CDH13: variants seen among roughly 807,000 people sequenced by gnomAD.
The protein encoded by CDH13 is cadherin 13.
In CDH13, 24 loss-of-function variants were observed where a neutral mutation model predicts 63.8. That is an observed-to-expected ratio of 0.38 (90% CI 0.27 to 0.53). CDH13 has a LOEUF of 0.53. CDH13 is among the 20% of genes least tolerant of loss of function. The probability of loss-of-function intolerance (pLI) is 0.85; values close to 1 mark genes in which losing one functional copy is unlikely to be tolerated. For synonymous variants in CDH13, 503 were observed against 355.3 expected (o/e 1.42, Z -4.67); for missense variants, 1,049 against 903.1 (o/e 1.16, Z -2.07).
intron 7 of CDH13, among the ~76,000 whole-genome samples, chr16:83,555,755 G>A (rs1242866880): frequency 6.6e-6 from 1 of 152,200 alleles, no homozygotes; most frequent in African/African-American, 2.4e-5. Flanking sequence ...GCAGAATATA[G>A]CAGTTTGGCT....
chr16:82,874,166 A>G lies in CDH13; in HGVS notation c.157+15693A>G, dbSNP rs182771547. Among the ~76,000 whole-genome samples, 39 of 152,296 alleles carry G rather than the reference A, an allele frequency of 2.6e-4. 2 individuals carry two copies. Among genetic ancestry groups the G allele is most frequent in the African/African-American group, 8.7e-4 (36 of 41,570 alleles). On this transcript the variant is annotated intron_variant, in intron 2 of 13. Coordinates refer to ENST00000567109, the MANE Select transcript of CDH13 (RefSeq NM_001257.5). ...TGAATGTTTACCCTCAGTAGGATAA[A>G]TAAGGACCACAAATAACATCATGTC... is the stretch of plus-strand genomic sequence containing the variant.
In CDH13 at chr16:83,598,733, T is replaced by TAAC. The variant is rs1206329056; in HGVS notation, c.961-3706_961-3704dup. ...TGACAACTCATCCTTGAATGATGAT[T>TAAC]AACAACAACAACAACAAACTCCATC... On this transcript the variant is annotated intron_variant, in intron 7 of 13. Transcript: ENST00000567109. Among the ~76,000 whole-genome samples, 9 of 152,190 alleles carry TAAC rather than the reference T, an allele frequency of 5.9e-5. No individual in the cohort carries two copies. The South Asian group carries it at 1.0e-3, about 18-fold the overall frequency.
At chr16:83,113,196 C>T (rs183317303) in intron 3 of CDH13, among the ~76,000 whole-genome samples, 1 of 152,194 alleles carries the variant, frequency 6.6e-6, no homozygotes, top group Non-Finnish European at 1.5e-5. Context: ...GGTTACTTCA[C>T]AAAGCATTGA....
intron 11 of CDH13, among the ~76,000 whole-genome samples, chr16:83,761,647 G>T (rs892750804): frequency 6.6e-6 from 1 of 152,210 alleles, no homozygotes; most frequent in Non-Finnish European, 1.5e-5. Flanking sequence ...GAGAGTAGGT[G>T]ACAGTCTGTT....
At chr16:83,027,112 C>G (rs11639659) in intron 2 of CDH13, among the ~76,000 whole-genome samples, 4,773 of 144,382 alleles carry the variant, frequency 0.033, 162 homozygotes, top group Non-Finnish European at 0.056. Context: ...ACCCCCCCCC[C>G]CCACCGCCCC....
intron 10 of CDH13, among the ~76,000 whole-genome samples, chr16:83,717,245 G>A (rs114575659): frequency 0.01 from 1,564 of 152,056 alleles, 33 homozygotes; most frequent in African/African-American, 0.036. Context: ...GGATGACAGA[G>A]CGAGATACTA....
intron 5 of CDH13, among the ~76,000 whole-genome samples, chr16:83,252,436 TG>T (rs879644352): frequency 6.2e-4 from 95 of 152,250 alleles, no homozygotes; most frequent in African/African-American, 2.2e-3. Flanking sequence ...TAACCAAAGA[TG>T]GTGACCTTAA....
chr16:82,695,576 C>A (rs2150983130), intron 1 of CDH13, among the ~76,000 whole-genome samples: 1 of 152,272 alleles, frequency 6.6e-6, no homozygotes, highest in South Asian at 2.1e-4. Flanking sequence ...AGAACCATCT[C>A]ATGGCATTGT....
At chr16:83,136,098 A>C (rs1459744528) in intron 4 of CDH13, among the ~76,000 whole-genome samples, 1 of 151,934 alleles carries the variant, frequency 6.6e-6, no homozygotes, top group Non-Finnish European at 1.5e-5. Context: ...TGGGTGCACC[A>C]AAATCTCACA....
intron 6 of CDH13, among the ~76,000 whole-genome samples, chr16:83,423,213 A>T (rs991292178): frequency 1.3e-5 from 2 of 152,196 alleles, no homozygotes; most frequent in Admixed American, 1.3e-4. Context: ...GAATTGTGTA[A>T]GTCCTCAGTA....
chr16:83,078,471 T>G (rs2033009610), intron 3 of CDH13, among the ~76,000 whole-genome samples: 1 of 152,238 alleles, frequency 6.6e-6, no homozygotes, highest in South Asian at 2.1e-4. Context: ...GGTTTGTACT[T>G]TGTACTCCTA....
chr16:82,639,367 C>G, intron 1 of CDH13: 1 of 1,535,204 alleles, frequency 6.5e-7, no homozygotes, highest in Middle Eastern at 1.7e-4. Flanking sequence ...CAGGGCCAAA[C>G]AACCCACCTG....
intron 4 of CDH13, among the ~76,000 whole-genome samples, chr16:83,176,518 A>G (rs1050702448): frequency 4.0e-5 from 6 of 149,052 alleles, no homozygotes; most frequent in Non-Finnish European, 7.4e-5. Flanking sequence ...TAGAGAAAAA[A>G]AAAAAAAAAA....
At chr16:83,232,091 C>T (rs996236328) in intron 5 of CDH13, among the ~76,000 whole-genome samples, 3 of 151,972 alleles carry the variant, frequency 2.0e-5, no homozygotes, top group African/African-American at 7.3e-5. Flanking sequence ...GGAAACATAA[C>T]TAATGGGTGC....
At chr16:83,648,395 G>C (rs959938331) in intron 8 of CDH13, among the ~76,000 whole-genome samples, 1 of 152,154 alleles carries the variant, frequency 6.6e-6, no homozygotes, top group Non-Finnish European at 1.5e-5. Flanking sequence ...ACTGTAGCAA[G>C]AAGGTAAGGC....
chr16:83,116,810 C>T (rs372254678), intron 3 of CDH13, among the ~76,000 whole-genome samples: 21 of 152,104 alleles, frequency 1.4e-4, no homozygotes, highest in South Asian at 4.1e-4. Context: ...ATACTGCAGG[C>T]GAGAGGGGCT....
chr16:82,639,937 A>G (rs1048210071), intron 1 of CDH13, among the ~76,000 whole-genome samples: 8 of 152,302 alleles, frequency 5.3e-5, no homozygotes, highest in Non-Finnish European at 1.2e-4. Context: ...TGCATTCCCT[A>G]TTTGGTTAAC....
At chr16:83,553,431 CAT>C (rs1159612518) in intron 7 of CDH13, among the ~76,000 whole-genome samples, 1 of 152,180 alleles carries the variant, frequency 6.6e-6, no homozygotes, top group Non-Finnish European at 1.5e-5. Flanking sequence ...CTTTTCTATG[CAT>C]ATGTTTTTCT....
At chr16:83,050,503 A>G (rs4471668) in intron 3 of CDH13, among the ~76,000 whole-genome samples, 111,554 of 151,996 alleles carry the variant, frequency 0.73, 42,164 homozygotes, top group East Asian at 0.97. Context: ...AAACCCATAT[A>G]TTTTCTTCCT....
Sources: allele counts gnomAD v4.1 joint callset (sites outside exome capture counted in the v4.1 genomes callset), GRCh38; gene constraint gnomAD v4.1.1; transcripts MANE v1.5; gene names NCBI Gene and HGNC (gene_info 2026-07-23, HGNC 2026-07-21).